The following AGTPBP1 variants were observed in gnomAD, a reference collection of about 807,000 sequenced individuals.
AGTPBP1 encodes ATP/GTP binding carboxypeptidase 1, also known as cytosolic carboxypeptidase 1.
Under a neutral mutation model 143.9 loss-of-function variants are expected in AGTPBP1, and 70 were observed. The observed-to-expected ratio is 0.49, with a 90% CI of 0.40 to 0.59. AGTPBP1 has a LOEUF of 0.59. Ranked by LOEUF, AGTPBP1 falls within the 20% of genes least tolerant of loss-of-function variation. The pLI is 0.00. For synonymous variants in AGTPBP1, 463 were observed against 500.2 expected, an observed-to-expected ratio of 0.93 and a Z score of 0.99; for missense variants, 1,229 against 1,464.5, an observed-to-expected ratio of 0.84 and a Z score of 2.62.
At chr9:85,590,967 A>T (rs957499928) in intron 19 of AGTPBP1, among the ~76,000 whole-genome samples, 1 of 152,162 alleles carries the variant, frequency 6.6e-6, no homozygotes, top group Non-Finnish European at 1.5e-5. Context: ...TAACCATTTT[A>T]AAAGTTTTAT....
chr9:85,756,242 T>A, the AGTPBP1 span: 1 of 1,595,818 alleles, frequency 6.3e-7, no homozygotes, highest in Non-Finnish European at 8.5e-7. Flanking sequence ...GAAATTGAGA[T>A]CTAGTCAGGT....
chr9:85,639,939 T>A (rs1026899508), intron 13 of AGTPBP1, among the ~76,000 whole-genome samples: 2 of 152,220 alleles, frequency 1.3e-5, no homozygotes, highest in African/African-American at 4.8e-5. Context: ...TTTCCTTCCA[T>A]CTGGCCACTG....
intron 25 of AGTPBP1, among the ~76,000 whole-genome samples, chr9:85,563,114 A>G (rs976121037): frequency 6.6e-6 from 1 of 152,248 alleles, no homozygotes; most frequent in East Asian, 1.9e-4. Flanking sequence ...TCTCCTGTTT[A>G]TAAGGTATCC....
intron 2 of AGTPBP1, among the ~76,000 whole-genome samples, chr9:85,704,790 C>T (rs1836878036): frequency 6.6e-6 from 1 of 151,994 alleles, no homozygotes; most frequent in Admixed American, 6.6e-5. Context: ...TAGATACAAA[C>T]ATTATAATTA....
chr9:85,767,522 T>C, the AGTPBP1 span, among the ~76,000 whole-genome samples: 1 of 152,108 alleles, frequency 6.6e-6, no homozygotes, highest in African/African-American at 2.4e-5. Flanking sequence ...TAGTTTTTTG[T>C]ATTTTAGTAG....
At chr9:85,718,139 A>G (rs1402661870) in intron 1 of AGTPBP1, among the ~76,000 whole-genome samples, 1 of 152,198 alleles carries the variant, frequency 6.6e-6, no homozygotes, top group African/African-American at 2.4e-5. Context: ...TAATAAACAT[A>G]CGTATGCATG....
At chr9:85,668,011 G>T (rs1206823355) in intron 8 of AGTPBP1, among the ~76,000 whole-genome samples, 3 of 150,458 alleles carry the variant, frequency 2.0e-5, no homozygotes, top group African/African-American at 7.3e-5. Flanking sequence ...CACTAAAAGA[G>T]AAAAGATCTG....
chr9:85,606,705 T>C (rs1830010199), intron 17 of AGTPBP1, among the ~76,000 whole-genome samples: 1 of 151,914 alleles, frequency 6.6e-6, no homozygotes, highest in African/African-American at 2.4e-5. Flanking sequence ...ATATACACAA[T>C]GAAATACAAT....
At chr9:85,617,578 G>A (rs1401792432) in intron 17 of AGTPBP1, among the ~76,000 whole-genome samples, 1 of 152,060 alleles carries the variant, frequency 6.6e-6, no homozygotes. Context: ...AACATTGAAT[G>A]AGCCTATATT....
intron 1 of AGTPBP1, among the ~76,000 whole-genome samples, chr9:85,720,376 T>C (rs1190004789): frequency 1.3e-5 from 2 of 152,192 alleles, no homozygotes; most frequent in East Asian, 3.8e-4. Flanking sequence ...AACTTCTTCC[T>C]GGTTTAGTCT....
chr9:85,741,061 G>A (rs1457231786), intron 1 of AGTPBP1, among the ~76,000 whole-genome samples: 1 of 152,166 alleles, frequency 6.6e-6, no homozygotes, highest in Non-Finnish European at 1.5e-5. Flanking sequence ...AAGCCTTTGG[G>A]TTACAACAGT....
the AGTPBP1 span, among the ~76,000 whole-genome samples, chr9:85,801,273 C>T: frequency 6.6e-6 from 1 of 152,166 alleles, no homozygotes. Flanking sequence ...GACTGCACCA[C>T]TGCACTCTGG....
At chr9:85,654,373 T>G (rs1204577903) in intron 11 of AGTPBP1, among the ~76,000 whole-genome samples, 1 of 152,168 alleles carries the variant, frequency 6.6e-6, no homozygotes, top group Admixed American at 6.5e-5. Context: ...GATAATTTCA[T>G]ATTTTCATCC....
chr9:85,575,500 T>C (rs1318283435), intron 24 of AGTPBP1, 25 bp from the exon 25 acceptor site: 2 of 1,573,756 alleles, frequency 1.3e-6, no homozygotes, highest in African/African-American at 1.4e-5. Context: ...ATATTATGCA[T>C]ATAATTACAA....
In AGTPBP1 at chr9:85,633,223, C is replaced by T. The variant is rs775482262; in HGVS notation, c.1454G>A (p.Gly485Glu). 6.2e-6 allele frequency: 10 copies of T among 1,613,816 alleles called. No homozygotes were observed. In the South Asian group the frequency reaches 9.9e-5, roughly 16 times the overall value. ...VVMKENISSK[G>E]DEGEKKSTFM... ...GGTAGACTTCTTTTCACCTTCATCT[C>T]CTTTAGAAGATATGTTCTCCTTCAT... The change falls in exon 14 of 26, where the codon GGA becomes GAA. Residue 485 changes from glycine to glutamate, a missense_variant. Coordinates refer to ENST00000357081, the MANE Select transcript of AGTPBP1 (RefSeq NM_001330701.2).
At chr9:85,745,186 A>T (rs1824566463), upstream of AGTPBP1, among the ~76,000 whole-genome samples, 1 of 152,188 alleles carries the variant, frequency 6.6e-6, no homozygotes, top group South Asian at 2.1e-4. Context: ...CATGCTTTTA[A>T]TAAGGTAACG....
At chr9:85,762,406 T>A in the AGTPBP1 span, among the ~76,000 whole-genome samples, 1 of 152,086 alleles carries the variant, frequency 6.6e-6, no homozygotes, top group Non-Finnish European at 1.5e-5. Flanking sequence ...ATTAAGAAAA[T>A]GTGGTACATA....
chr9:85,679,148 G>A (rs1835011699), intron 4 of AGTPBP1, among the ~76,000 whole-genome samples: 1 of 152,106 alleles, frequency 6.6e-6, no homozygotes, highest in African/African-American at 2.4e-5. Flanking sequence ...TATTTTAATA[G>A]ATATTACCAA....
At chr9:85,699,470 G>A (rs1836503817) in intron 2 of AGTPBP1, among the ~76,000 whole-genome samples, 1 of 152,016 alleles carries the variant, frequency 6.6e-6, no homozygotes, top group South Asian at 2.1e-4. Context: ...AATTTCCTAA[G>A]TAAGGGCAAG....
Sources: gnomAD v4.1 joint callset for allele counts (sites outside exome capture counted in the v4.1 genomes callset) on GRCh38, gnomAD v4.1.1 for gene constraint, MANE v1.5 for transcripts, NCBI Gene and HGNC (gene_info 2026-07-23, HGNC 2026-07-21) for gene names.